The following RBMS1 variants were observed in gnomAD, a reference collection of about 807,000 sequenced individuals.
RBMS1 encodes the protein RNA binding motif single stranded interacting protein 1.
In RBMS1, 17 loss-of-function variants were observed where a neutral mutation model predicts 62.3. The observed-to-expected ratio is 0.27, with a 90% CI of 0.19 to 0.41. RBMS1 has a LOEUF of 0.41. Among genes scored for constraint, RBMS1 ranks in the 10% least tolerant of loss-of-function variants. The probability of loss-of-function intolerance (pLI) is 1.00; values close to 1 mark genes in which losing one functional copy is unlikely to be tolerated. For synonymous variants in RBMS1, 172 were observed against 170.0 expected, an observed-to-expected ratio of 1.01 and a Z score of -0.09; for missense variants, 334 against 504.5, an observed-to-expected ratio of 0.66 and a Z score of 3.24.
chr2:160,404,896 G>T (rs1156660898), intron 1 of RBMS1, among the ~76,000 whole-genome samples: 2 of 152,170 alleles, frequency 1.3e-5, no homozygotes, highest in African/African-American at 2.4e-5. Context: ...AGTTCTCTAT[G>T]GGTTGCTATT....
chr2:160,315,856 AAATTT>A (rs1350686291), intron 3 of RBMS1, among the ~76,000 whole-genome samples: 1 of 152,210 alleles, frequency 6.6e-6, no homozygotes. Context: ...GTGAATTTTA[AAATTT>A]AATAACTTAG....
At chr2:160,329,065 C>T (rs1192278443) in intron 2 of RBMS1, among the ~76,000 whole-genome samples, 3 of 152,148 alleles carry the variant, frequency 2.0e-5, no homozygotes, top group Admixed American at 1.3e-4. Context: ...GACATTTCTT[C>T]GACTGAACAC....
chr2:160,298,071 A>G lies in RBMS1; in HGVS notation c.640+2580T>C, dbSNP rs577049503. ...GGGCTGATGCAATGGTGCAGATGAG[A>G]GATGATCAGAAATTAAACTAGGCAG... On this transcript the variant is annotated intron_variant, in intron 6 of 13. Coordinates refer to ENST00000348849, the MANE Select transcript of RBMS1 (RefSeq NM_016836.4). Among the ~76,000 whole-genome samples, 9 of 152,330 alleles carry G rather than the reference A, an allele frequency of 5.9e-5. No homozygotes were observed. The South Asian group carries it at 1.9e-3, about 32-fold the overall frequency.
At chr2:160,323,271 A>T (rs146472326) in intron 2 of RBMS1, among the ~76,000 whole-genome samples, 1 of 151,582 alleles carries the variant, frequency 6.6e-6, no homozygotes, top group African/African-American at 2.4e-5. Flanking sequence ...AGCTTAGAAG[A>T]TCGAGACCAG....
chr2:160,460,478 A>C (rs1441313412), intron 1 of RBMS1, among the ~76,000 whole-genome samples: 1 of 152,230 alleles, frequency 6.6e-6, no homozygotes, highest in Non-Finnish European at 1.5e-5. Context: ...GTCTCACGTA[A>C]GGTCACGCAG....
intron 1 of RBMS1, among the ~76,000 whole-genome samples, chr2:160,469,021 A>G (rs1489195809): frequency 6.6e-6 from 1 of 152,156 alleles, no homozygotes; most frequent in African/African-American, 2.4e-5. Context: ...ACCATCATCT[A>G]AAAGAATACA....
chr2:160,320,637 T>C (rs1206272844), intron 2 of RBMS1, among the ~76,000 whole-genome samples: 2 of 152,180 alleles, frequency 1.3e-5, no homozygotes, highest in East Asian at 3.9e-4. Context: ...TGGTACCTCC[T>C]CCTCTGTTTT....
At chr2:160,473,133 C>T (rs7423892) in intron 1 of RBMS1, among the ~76,000 whole-genome samples, 72,474 of 152,078 alleles carry the variant, frequency 0.48, 17,853 homozygotes, top group Admixed American at 0.57. Context: ...GGATTGTATA[C>T]ATTGTTTGCC....
At chr2:160,312,121 C>T (rs550070145) in intron 4 of RBMS1, among the ~76,000 whole-genome samples, 2 of 152,268 alleles carry the variant, frequency 1.3e-5, no homozygotes, top group South Asian at 2.1e-4. Flanking sequence ...TCTAAGGTCC[C>T]TCCAGCTTTA....
intron 1 of RBMS1, among the ~76,000 whole-genome samples, chr2:160,477,717 G>A (rs1685201138): frequency 6.6e-6 from 1 of 152,138 alleles, no homozygotes; most frequent in African/African-American, 2.4e-5. Context: ...AAAATTCCCT[G>A]TATTTCCAGG....
At chr2:160,481,921 T>C (rs1440733845) in intron 1 of RBMS1, among the ~76,000 whole-genome samples, 1 of 152,182 alleles carries the variant, frequency 6.6e-6, no homozygotes, top group African/African-American at 2.4e-5. Flanking sequence ...TGGTAGTGTC[T>C]ACCCAAGCTG....
intron 2 of RBMS1, among the ~76,000 whole-genome samples, chr2:160,345,815 T>C (rs951954731): frequency 3.3e-5 from 5 of 152,090 alleles, no homozygotes; most frequent in Admixed American, 1.3e-4. Flanking sequence ...ACTTCAGAAG[T>C]GGGTGGTGAG....
At chr2:160,441,627 T>C (rs1229853497) in intron 1 of RBMS1, among the ~76,000 whole-genome samples, 12 of 152,216 alleles carry the variant, frequency 7.9e-5, no homozygotes, top group Admixed American at 7.9e-4. Context: ...AGGGAGGCTA[T>C]GGCAGGAAGA....
chr2:160,372,293 A>G (rs1194195482), intron 1 of RBMS1, among the ~76,000 whole-genome samples: 1 of 151,546 alleles, frequency 6.6e-6, no homozygotes, highest in Non-Finnish European at 1.5e-5. Context: ...TAAAGTTTTC[A>G]TCCTTATAGT....
At chr2:160,407,982 C>T (rs1695852764) in intron 1 of RBMS1, 4 of 934,822 alleles carry the variant, frequency 4.3e-6, no homozygotes, top group Middle Eastern at 5.5e-4. Context: ...GCCTCCCCGC[C>T]CGCCCGCTGG....
intron 10 of RBMS1, among the ~76,000 whole-genome samples, chr2:160,280,416 T>A (rs1021080238): frequency 1.6e-4 from 25 of 152,200 alleles, no homozygotes; most frequent in African/African-American, 5.8e-4. Context: ...CAATTTCTCA[T>A]TCAGAACCTG....
intron 2 of RBMS1, among the ~76,000 whole-genome samples, chr2:160,337,423 C>T (rs553059287): frequency 6.6e-6 from 1 of 152,192 alleles, no homozygotes; most frequent in East Asian, 1.9e-4. Context: ...TGTAAGCCAT[C>T]GTGCCTGGCC....
intron 1 of RBMS1, among the ~76,000 whole-genome samples, chr2:160,478,386 A>G (rs1685230514): frequency 6.6e-6 from 1 of 152,244 alleles, no homozygotes; most frequent in African/African-American, 2.4e-5. Flanking sequence ...TTACTCAATC[A>G]TACAATCCTA....
At chr2:160,349,378 C>T (rs1332610666) in intron 2 of RBMS1, among the ~76,000 whole-genome samples, 1 of 151,992 alleles carries the variant, frequency 6.6e-6, no homozygotes, top group Non-Finnish European at 1.5e-5. Context: ...TACAGAAATA[C>T]ACATAACAAT....
Sources: allele counts gnomAD v4.1 joint callset (sites outside exome capture counted in the v4.1 genomes callset), GRCh38; gene constraint gnomAD v4.1.1; transcripts MANE v1.5; gene names NCBI Gene and HGNC (gene_info 2026-07-23, HGNC 2026-07-21).